Variants in ACIN1 observed in about 807,000 individuals in gnomAD.
ACIN1 encodes apoptotic chromatin condensation inducer in the nucleus.
Under a neutral mutation model 146.6 loss-of-function variants are expected in ACIN1, and 16 were observed. The ratio of observed to expected loss-of-function variants is 0.11; its 90% confidence interval spans 0.07 to 0.17. The LOEUF is 0.17. Among genes scored for constraint, ACIN1 ranks in the 10% least tolerant of loss-of-function variants. The probability of loss-of-function intolerance (pLI) is 1.00; values close to 1 mark genes in which losing one functional copy is unlikely to be tolerated. For synonymous variants in ACIN1, 569 were observed against 582.7 expected, an observed-to-expected ratio of 0.98 and a Z score of 0.34; for missense variants, 1,357 against 1,609.3, an observed-to-expected ratio of 0.84 and a Z score of 2.68.
chr14:23,062,571 C>T, intron 14 of ACIN1, 48 bp from the exon 15 acceptor site: 2 of 1,514,954 alleles, frequency 1.3e-6, no homozygotes, highest in Non-Finnish European at 1.8e-6. Flanking sequence ...GCAAGACCAC[C>T]ACCCAATCTT....
At chr14:23,081,719 G>GAT (rs1351566898) in intron 5 of ACIN1, 29 bp downstream of exon 5, 1 of 1,506,192 alleles carries the variant, frequency 6.6e-7, no homozygotes, top group Admixed American at 1.8e-5. Flanking sequence ...TTACTGAAGA[G>GAT]GTAATGCTTT....
intron 16 of ACIN1, 26 bp downstream of exon 16, chr14:23,062,142 C>G: frequency 3.1e-6 from 5 of 1,587,788 alleles, no homozygotes; most frequent in Non-Finnish European, 4.3e-6. Flanking sequence ...TGCCCCTCCT[C>G]TCTTTCCTCT....
At chr14:23,078,060 T>G (rs1251588121) in intron 8 of ACIN1, 91 bp downstream of exon 8, 1 of 1,137,484 alleles carries the variant, frequency 8.8e-7, no homozygotes, top group East Asian at 2.4e-5. Context: ...AAAAGGAAAC[T>G]AGGACTGCTT....
At chr14:23,085,961 C>A (rs1052461524) in intron 4 of ACIN1, among the ~76,000 whole-genome samples, 2 of 152,202 alleles carry the variant, frequency 1.3e-5, no homozygotes, top group Non-Finnish European at 2.9e-5. Context: ...CTAGACAATG[C>A]AGGATATATT....
rs547670717 is a variant in ACIN1 at position 23,080,350 on chromosome 14, G to A, written c.985C>T (p.Pro329Ser). The change falls in exon 6 of 19, where the codon CCT becomes TCT. Residue 329 changes from proline to serine, a missense_variant. Physicochemically the swap from Pro to Ser is moderately conservative, Grantham distance 74. This residue lies in a region of ACIN1 where 771 missense variants were observed against 746.6 expected (regional missense o/e 1.03). Transcript: ENST00000605057. ...TCTTCAGTCAGTCGAGGAGGGGAAG[G>A]AGACTTCGATTTTTCCTTTAAGCCT... ...SQGLKEKSKSPSPPRLTEDRK... is the reference protein window; with the variant it reads ...SQGLKEKSKSSSPPRLTEDRK... 74 of 1,614,188 alleles carry A rather than the reference G, an allele frequency of 4.6e-5. No individual in the cohort carries two copies. The highest frequency in any genetic ancestry group is 1.7e-6 in the Non-Finnish European group (2 of 1,180,022).
upstream of ACIN1, chr14:23,095,495 C>T (rs1260488314): frequency 1.5e-6 from 1 of 656,258 alleles, no homozygotes; most frequent in East Asian, 3.0e-5. Flanking sequence ...GGGTCCGAGG[C>T]CGGAAGTGCG....
intron 2 of ACIN1, among the ~76,000 whole-genome samples, chr14:23,092,839 C>T (rs2140248570): frequency 6.6e-6 from 1 of 152,148 alleles, no homozygotes; most frequent in Admixed American, 6.5e-5. Flanking sequence ...AAGGTATTTC[C>T]CCTAGGAAGC....
chr14:23,095,287 C>G, upstream of ACIN1: 1 of 1,592,702 alleles, frequency 6.3e-7, no homozygotes, highest in African/African-American at 1.3e-5. Flanking sequence ...GTCTCCACAT[C>G]GTTACCAATC....
At position 23,068,143 on chromosome 14, in the gene ACIN1, G is replaced by C. The variant is rs1293861681; in HGVS notation, c.2265+1333C>G. 3 of 985,790 alleles carry C rather than the reference G, an allele frequency of 3.0e-6. No homozygotes were observed. The highest frequency in any genetic ancestry group is 3.6e-6 in the Non-Finnish European group (3 of 830,004). The allele number at this position is 985,790 out of a possible 1,614,324, so 61.1% of individuals were successfully genotyped here. A position where few individuals can be genotyped will look rare whatever the true frequency, so the allele number is the denominator to read the frequency against. On this transcript the variant is annotated intron_variant, in intron 9 of 18. Transcript: ENST00000605057. This position sits in a 1 kb window ranked among gnomAD's most constrained non-coding sequence, Gnocchi z 4.3. ...GCTGTCATCAGCATTAAATCCCCAG[G>C]GGCTCAGACCCTAGACTCCTCTGCA...
At chr14:23,063,707 C>T (rs936182606) in intron 12 of ACIN1, 130 bp from the exon 13 acceptor site, 10 of 1,075,350 alleles carry the variant, frequency 9.3e-6, no homozygotes, top group African/African-American at 4.7e-5. Context: ...ATTTCGTTAT[C>T]GGCTCACTTC....
chr14:23,085,174 CAA>C (rs918764105), intron 4 of ACIN1, among the ~76,000 whole-genome samples: 2 of 145,504 alleles, frequency 1.4e-5, no homozygotes, highest in Admixed American at 1.4e-4. Flanking sequence ...ACTAAAAATA[CAA>C]AAAAAAAAAT....
At chr14:23,088,938 A>G (rs752227538) in intron 4 of ACIN1, among the ~76,000 whole-genome samples, 1 of 152,168 alleles carries the variant, frequency 6.6e-6, no homozygotes, top group African/African-American at 2.4e-5. Context: ...ACCTGCACAT[A>G]TTTTCCTCAA....
At chr14:23,075,136 G>C (rs150314091) in intron 8 of ACIN1, among the ~76,000 whole-genome samples, 14 of 152,196 alleles carry the variant, frequency 9.2e-5, no homozygotes, top group Non-Finnish European at 1.6e-4. Flanking sequence ...TTGGCTTAAG[G>C]AACCAATACC....
At position 23,062,184 on chromosome 14, in the gene ACIN1, T is replaced by C; in HGVS notation, c.3083A>G (p.Tyr1028Cys). 1.2e-6 allele frequency: 2 copies of C among 1,613,936 alleles called. No individual in the cohort carries two copies. Among genetic ancestry groups the C allele is most frequent in the East Asian group, 2.2e-5 (1 of 44,874 alleles). The change falls in exon 16 of 19, where the codon TAT (tyrosine) becomes TGT (cysteine). Residue 1028 changes from tyrosine (Y) to cysteine (C), a missense_variant. Tyr to Cys is a radical substitution (Grantham distance 194). Around this residue, in one of 4 missense-constraint regions of ACIN1, gnomAD observed 509 missense variants for 719.6 expected, o/e 0.71. Coordinates refer to ENST00000605057, the MANE Select transcript of ACIN1 (RefSeq NM_001386863.1). ...GTTTCTTACCTCATCTTGCTCGGCATAGTCAGCACAAAGGAATTTGGGATT... is the reference window on the plus strand; with the variant it reads ...GTTTCTTACCTCATCTTGCTCGGCACAGTCAGCACAAAGGAATTTGGGATT... ...QSNPKFLCAD[Y>C]AEQDELDYHR... is the part of the protein sequence containing the mutation.
At chr14:23,088,722 TCTTA>T (rs552211342) in intron 4 of ACIN1, among the ~76,000 whole-genome samples, 92 of 152,226 alleles carry the variant, frequency 6.0e-4, no homozygotes, top group Non-Finnish European at 9.4e-4. Flanking sequence ...AATCCACATG[TCTTA>T]TATACATATT....
chr14:23,094,695 C>T, intron 1 of ACIN1: 1 of 677,106 alleles, frequency 1.5e-6, no homozygotes, highest in Non-Finnish European at 2.3e-6. Context: ...CAGATACAAA[C>T]AAGGAGGGGG....
chr14:23,060,966 T>C lies in ACIN1; in HGVS notation c.3525+118A>G, dbSNP rs182168999. On this transcript the variant is annotated intron_variant, in intron 18 of 18. Transcript: ENST00000605057. ...AACTGCCTTTTTGTGATGCTTAGTT[T>C]ATCCTAAACCTAGGAAGTACTTGGG... 1.4e-5 allele frequency: 13 copies of C among 940,466 alleles called. No homozygotes were observed. In the Admixed American group the frequency reaches 2.2e-4, roughly 16 times the overall value. The allele number at this position is 940,466 out of a possible 1,614,324, so 58.3% of individuals were successfully genotyped here.
chr14:23,083,108 G>A (rs763448578), intron 4 of ACIN1, among the ~76,000 whole-genome samples: 6 of 151,692 alleles, frequency 4.0e-5, no homozygotes, highest in Non-Finnish European at 7.4e-5. Flanking sequence ...CACCAATCTA[G>A]GTTATCCTGA....
intron 16 of ACIN1, among the ~76,000 whole-genome samples, chr14:23,061,847 G>A (rs61976367): frequency 3.3e-5 from 5 of 152,074 alleles, no homozygotes; most frequent in Non-Finnish European, 5.9e-5. Flanking sequence ...GGTGGCGGGC[G>A]CCTGTAGTCC....
Sources: gnomAD v4.1 joint callset for allele counts (sites outside exome capture counted in the v4.1 genomes callset) on GRCh38, gnomAD v4.1.1 for gene constraint, gnomAD v4.1.1 regional missense constraint, Gnocchi (gnomAD v3.1) non-coding constraint, MANE v1.5 for transcripts, NCBI Gene and HGNC (gene_info 2026-07-23, HGNC 2026-07-21) for gene names.